The following MYRIP variants were observed in gnomAD, a reference collection of about 807,000 sequenced individuals.
The protein encoded by MYRIP is rab effector MyRIP.
In MYRIP, 49 loss-of-function variants were observed where a neutral mutation model predicts 98.0. The observed-to-expected ratio is 0.50, with a 90% CI of 0.40 to 0.63. The LOEUF (loss-of-function observed/expected upper bound fraction) is 0.63. Among genes scored for constraint, MYRIP ranks in the 30% least tolerant of loss-of-function variants. The pLI, the probability that MYRIP is intolerant of heterozygous loss-of-function variation, is 0.00. For synonymous variants in MYRIP, 404 were observed against 409.5 expected, an observed-to-expected ratio of 0.99 and a Z score of 0.16; for missense variants, 1,004 against 1,058.2, an observed-to-expected ratio of 0.95 and a Z score of 0.71.
At chr3:40,163,153 A>G (rs1950432150) in intron 5 of MYRIP, among the ~76,000 whole-genome samples, 1 of 152,238 alleles carries the variant, frequency 6.6e-6, no homozygotes, top group African/African-American at 2.4e-5. Flanking sequence ...TGTGTCATTT[A>G]CTGATTAACT....
chr3:40,035,789 A>T (rs1947367497), intron 2 of MYRIP, among the ~76,000 whole-genome samples: 2 of 152,056 alleles, frequency 1.3e-5, no homozygotes, highest in Non-Finnish European at 2.9e-5. Flanking sequence ...AAGGTATAGG[A>T]ACCAAGAAAT....
At chr3:39,965,626 C>A (rs1419363941) in intron 2 of MYRIP, among the ~76,000 whole-genome samples, 1 of 152,046 alleles carries the variant, frequency 6.6e-6, no homozygotes, top group Non-Finnish European at 1.5e-5. Flanking sequence ...TGACCATAAT[C>A]CATGAGTCAG....
chr3:39,880,308 T>C (rs1420138831), intron 1 of MYRIP, among the ~76,000 whole-genome samples: 1 of 152,242 alleles, frequency 6.6e-6, no homozygotes, highest in Non-Finnish European at 1.5e-5. Context: ...ATAATTGTTA[T>C]CTGCAGAAGG....
At chr3:39,868,417 A>G (rs1327121438) in intron 1 of MYRIP, among the ~76,000 whole-genome samples, 3 of 152,140 alleles carry the variant, frequency 2.0e-5, no homozygotes, top group Non-Finnish European at 2.9e-5. Flanking sequence ...TGCAACACCA[A>G]TTAAGTGCTT....
In MYRIP at chr3:40,189,891, C is replaced by A. The variant is rs1286653984; in HGVS notation, c.1093C>A (p.Pro365Thr). The change falls in exon 10 of 17, where the codon CCC (proline) becomes ACC (threonine). Residue 365 changes from proline (P) to threonine (T), a missense_variant. By Grantham distance (38) the Pro-to-Thr change is conservative. Around this residue, in one of 3 missense-constraint regions of MYRIP, gnomAD observed 880 missense variants for 907.7 expected, o/e 0.97. Transcript: ENST00000302541. Reference sequence around the variant, plus strand: ...GGCCCTGAAGGATGGCGCTCCACCCCCCACCCGACTACTGGCCAAACCTAA... The same window carrying A: ...GGCCCTGAAGGATGGCGCTCCACCCACCACCCGACTACTGGCCAAACCTAA... ...WVALKDGAPP[P>T]TRLLAKPKSG... is the part of the protein sequence containing the mutation. The A allele has an allele frequency of 1.2e-6, 2 of 1,614,194 alleles. No individual in the cohort carries two copies. Among genetic ancestry groups the A allele is most frequent in the South Asian group, 1.1e-5 (1 of 91,084 alleles).
chr3:40,057,114 C>G (rs1167433955), intron 3 of MYRIP, among the ~76,000 whole-genome samples: 1 of 152,080 alleles, frequency 6.6e-6, no homozygotes, highest in Non-Finnish European at 1.5e-5. Flanking sequence ...TGGAATGAAA[C>G]TCAACACCCC....
intron 4 of MYRIP, among the ~76,000 whole-genome samples, chr3:40,157,670 A>G (rs1420777661): frequency 8.0e-5 from 12 of 150,368 alleles, no homozygotes; most frequent in African/African-American, 2.7e-4. Flanking sequence ...CCACAATTTC[A>G]GATCCTGTTA....
intron 8 of MYRIP, among the ~76,000 whole-genome samples, chr3:40,177,129 G>A (rs150099441): frequency 7.8e-4 from 117 of 150,064 alleles, no homozygotes; most frequent in African/African-American, 2.8e-3. Flanking sequence ...ACCTGGACAC[G>A]AACCAATGGG....
At chr3:40,210,675 C>A (rs1799421) in intron 11 of MYRIP, among the ~76,000 whole-genome samples, 69,307 of 151,904 alleles carry the variant, frequency 0.46, 16,746 homozygotes, top group Non-Finnish European at 0.55. Context: ...TTATTCTTGT[C>A]TCAGGGTCCC....
Position 40,244,403 on chromosome 3 carries a change from C to T in MYRIP, c.2101-43C>T, listed in dbSNP as rs753016429. 35 of 1,557,950 alleles carry T rather than the reference C, an allele frequency of 2.2e-5. No homozygotes were observed. The East Asian group carries it at 7.9e-4, about 35-fold the overall frequency. On this transcript the variant is annotated intron_variant, in intron 12 of 16. Coordinates refer to ENST00000302541, the MANE Select transcript of MYRIP (RefSeq NM_015460.4). Reference sequence around the variant, plus strand: ...CCCTCAAGGGACCCCCAACCAGTCCCAAGTCTGCAGACATGAACTCAAATG... The same window carrying T: ...CCCTCAAGGGACCCCCAACCAGTCCTAAGTCTGCAGACATGAACTCAAATG...
At chr3:40,142,594 C>G (rs1294783018) in intron 3 of MYRIP, among the ~76,000 whole-genome samples, 1 of 152,062 alleles carries the variant, frequency 6.6e-6, no homozygotes, top group East Asian at 1.9e-4. Context: ...TCTGGAGTAG[C>G]TGGGACTACA....
intron 1 of MYRIP, among the ~76,000 whole-genome samples, chr3:39,842,576 G>A (rs1941835465): frequency 6.6e-6 from 1 of 152,286 alleles, no homozygotes; most frequent in African/African-American, 2.4e-5. Flanking sequence ...TTGAAACCCA[G>A]GGCCCTGGTG....
At chr3:39,906,944 T>TC (rs1452127461) in intron 2 of MYRIP, among the ~76,000 whole-genome samples, 1 of 152,194 alleles carries the variant, frequency 6.6e-6, no homozygotes, top group East Asian at 1.9e-4. Flanking sequence ...CCATCCAGGT[T>TC]CAGTGTGATT....
At chr3:40,204,938 C>T (rs1294685152) in intron 10 of MYRIP, among the ~76,000 whole-genome samples, 1 of 152,168 alleles carries the variant, frequency 6.6e-6, no homozygotes, top group African/African-American at 2.4e-5. Context: ...TCCACGGGCA[C>T]CAGAGTGGCT....
At position 40,212,993 on chromosome 3, in the gene MYRIP, A is replaced by C. The variant is rs74507979; in HGVS notation, c.1905+2900A>C. On this transcript the variant is annotated intron_variant, in intron 11 of 16. Coordinates refer to ENST00000302541, the MANE Select transcript of MYRIP (RefSeq NM_015460.4). Reference sequence around the variant, plus strand: ...GTTTGCAAACTCTGTGGCATTGGTTAATGGCTTACCTCACTGCTACTACTT... The same window carrying C: ...GTTTGCAAACTCTGTGGCATTGGTTCATGGCTTACCTCACTGCTACTACTT... 4.0e-3 allele frequency among the ~76,000 whole-genome samples: 610 copies of C among 152,304 alleles called. 5 individuals carry two copies. The highest frequency in any genetic ancestry group is 6.3e-3 in the Non-Finnish European group (428 of 68,020).
At chr3:40,120,522 A>AT (rs1434289561) in intron 3 of MYRIP, among the ~76,000 whole-genome samples, 2 of 152,236 alleles carry the variant, frequency 1.3e-5, no homozygotes, top group Non-Finnish European at 2.9e-5. Flanking sequence ...GTCCCTGGAA[A>AT]TTTGGCTGGA....
chr3:40,134,297 G>C (rs905277112), intron 3 of MYRIP, among the ~76,000 whole-genome samples: 2 of 152,248 alleles, frequency 1.3e-5, no homozygotes, highest in Admixed American at 6.5e-5. Flanking sequence ...TAGCACAGCA[G>C]TCTGAGATCA....
intron 4 of MYRIP, among the ~76,000 whole-genome samples, chr3:40,156,411 T>G (rs548530754): frequency 6.6e-6 from 1 of 152,236 alleles, no homozygotes; most frequent in Non-Finnish European, 1.5e-5. Context: ...TAGTATAGTT[T>G]GAAGTCAGGT....
chr3:39,878,257 C>G (rs1488516764), intron 1 of MYRIP, among the ~76,000 whole-genome samples: 1 of 152,200 alleles, frequency 6.6e-6, no homozygotes, highest in Non-Finnish European at 1.5e-5. Context: ...TCACCCCTTT[C>G]TTTGACTAGG....
Sources: gnomAD v4.1 joint callset for allele counts (sites outside exome capture counted in the v4.1 genomes callset) on GRCh38, gnomAD v4.1.1 for gene constraint, gnomAD v4.1.1 regional missense constraint, MANE v1.5 for transcripts, NCBI Gene and HGNC (gene_info 2026-07-23, HGNC 2026-07-21) for gene names.